BTBD9: variants seen among roughly 807,000 people sequenced by gnomAD.
BTBD9 encodes the protein BTB/POZ domain-containing protein 9.
In BTBD9, 49 loss-of-function variants were observed where a neutral mutation model predicts 64.3. The ratio of observed to expected loss-of-function variants is 0.76; its 90% CI spans 0.61 to 0.97. The LOEUF (loss-of-function observed/expected upper bound fraction) is 0.97, where lower values mean the gene tolerates loss of function less well. Among genes scored for constraint, BTBD9 ranks in the 50% least tolerant of loss-of-function variants. The pLI, the probability that BTBD9 is intolerant of heterozygous loss-of-function variation, is 0.00. For missense variants in BTBD9, 598 were observed against 762.1 expected (o/e 0.78, Z 2.53); for synonymous variants, 260 against 274.7 (o/e 0.95, Z 0.53).
chr6:38,173,641 T>C lies in BTBD9; in HGVS notation c.*1344A>G, dbSNP rs1701129720. On this transcript the variant is annotated 3_prime_UTR_variant, in exon 11 of 11. Transcript: ENST00000481247. The stretch of plus-strand genomic sequence containing the variant: ...GCAGCTGATATGTCTTTGACACACC[T>C]GAAAGGAAACTCCCACGCCCTCACC... 1 of 152,254 alleles carries C rather than the reference T, an allele frequency of 6.6e-6. No homozygotes were observed. 9.4% of individuals were successfully genotyped at this position (152,254 alleles called of 1,614,324 possible). A position where few individuals can be genotyped will look rare whatever the true frequency, so the allele number is the denominator to read the frequency against.
At chr6:38,217,693 TTTTTTC>T (rs1360627309) in intron 9 of BTBD9, among the ~76,000 whole-genome samples, 9 of 76,608 alleles carry the variant, frequency 1.2e-4, no homozygotes, top group African/African-American at 3.8e-4. Context: ...TATTTTTTTC[TTTTTTC>T]TTTTTTTTTT....
chr6:38,591,790 A>G (rs1776800977), intron 4 of BTBD9, among the ~76,000 whole-genome samples: 3 of 152,376 alleles, frequency 2.0e-5, no homozygotes, highest in African/African-American at 7.2e-5. Flanking sequence ...AAATCCATTA[A>G]TAAGAAAAAT....
chr6:38,629,432 G>A (rs1778285606), intron 1 of BTBD9, among the ~76,000 whole-genome samples: 1 of 152,174 alleles, frequency 6.6e-6, no homozygotes, highest in Non-Finnish European at 1.5e-5. Context: ...TTCAAATGAA[G>A]CACTGAGAAA....
intron 6 of BTBD9, among the ~76,000 whole-genome samples, chr6:38,513,612 T>C (rs1772874814): frequency 6.6e-6 from 1 of 152,070 alleles, no homozygotes; most frequent in Non-Finnish European, 1.5e-5. Context: ...TGATTCTGCT[T>C]TGGAGAAAAA....
chr6:38,412,366 G>A lies in BTBD9; in HGVS notation c.1155-67273C>T, dbSNP rs72851482. ...CGAACATATGCTCAACTTCCTTCTC[G>A]ATAACAGAAATGAAAAGCTCTCACC... On this transcript the variant is annotated intron_variant, in intron 6 of 10. Coordinates refer to ENST00000481247, the MANE Select transcript of BTBD9 (RefSeq NM_001099272.2). Among the ~76,000 whole-genome samples the A allele has an allele frequency of 6.6e-3, 1,002 of 152,044 alleles. 2 individuals carry two copies. The highest frequency in any genetic ancestry group is 0.027 in the Middle Eastern group (8 of 292).
At chr6:38,361,562 T>G (rs1206488342) in intron 6 of BTBD9, among the ~76,000 whole-genome samples, 3 of 151,540 alleles carry the variant, frequency 2.0e-5, no homozygotes, top group African/African-American at 7.3e-5. Flanking sequence ...AAACAACAGC[T>G]GGGCATAGTG....
At chr6:38,255,079 AT>A (rs1764531553) in intron 9 of BTBD9, among the ~76,000 whole-genome samples, 1 of 152,250 alleles carries the variant, frequency 6.6e-6, no homozygotes, top group Non-Finnish European at 1.5e-5. Flanking sequence ...CTATTCAGCC[AT>A]AAAAAATGAA....
At chr6:38,318,286 A>G (rs1272801392) in intron 7 of BTBD9, among the ~76,000 whole-genome samples, 1 of 152,056 alleles carries the variant, frequency 6.6e-6, no homozygotes, top group Non-Finnish European at 1.5e-5. Flanking sequence ...TCGTCTGGTG[A>G]GGTTGTTTTC....
rs74531246 is a variant in BTBD9, at chr6:38,284,425, T to C, written c.1454+3847A>G. Among the ~76,000 whole-genome samples the C allele has an allele frequency of 9.4e-3, 1,425 of 152,316 alleles. 15 individuals are homozygous for C. Among genetic ancestry groups the C allele is most frequent in the African/African-American group, 0.032 (1,344 of 41,566 alleles). The stretch of plus-strand genomic sequence containing the variant: ...AGTCAGATTCAACATCTCTGATTCT[T>C]TGGGTAGAGCTAGAGGCCAAGGTGG... On this transcript the variant is annotated intron_variant, in intron 8 of 10. Coordinates refer to ENST00000481247, the MANE Select transcript of BTBD9 (RefSeq NM_001099272.2).
At chr6:38,438,350 G>T (rs1003591347) in intron 6 of BTBD9, among the ~76,000 whole-genome samples, 1 of 152,106 alleles carries the variant, frequency 6.6e-6, no homozygotes, top group South Asian at 2.1e-4. Flanking sequence ...CATAAGCCTG[G>T]GCAGCAGAAA....
rs1284541382 is a variant in BTBD9 at position 38,465,739 on chromosome 6, ATATATATATATATATATGTATG to A, written c.1154+111839_1154+111860del. ...TATATATATATATATATATATATATATATATATATATATATATGTATGTATGTATGTATTTCAGTTATTTATT... is the reference window on the plus strand; with the variant it reads ...TATATATATATATATATATATATATATATGTATGTATTTCAGTTATTTATT... On this transcript the variant is annotated intron_variant, in intron 6 of 10. Transcript: ENST00000481247. Among the ~76,000 whole-genome samples the A allele has an allele frequency of 3.2e-3, 174 of 54,242 alleles. 2 individuals carry two copies. Among genetic ancestry groups the A allele is most frequent in the African/African-American group, 0.011 (168 of 14,730 alleles). The allele number at this position is 54,242 out of a possible 152,430, so 35.6% of individuals were successfully genotyped here.
chr6:38,265,081 G>C (rs756929523), intron 8 of BTBD9, among the ~76,000 whole-genome samples: 3 of 151,964 alleles, frequency 2.0e-5, no homozygotes, highest in Non-Finnish European at 4.4e-5. Context: ...TCTCTAAAAG[G>C]GGAAGAAACG....
At chr6:38,274,632 G>T (rs530219138) in intron 8 of BTBD9, among the ~76,000 whole-genome samples, 144 of 152,320 alleles carry the variant, frequency 9.5e-4, no homozygotes, top group Non-Finnish European at 1.6e-3. Context: ...CATCTATTGA[G>T]ATAATCATGT....
At chr6:38,528,032 T>C (rs1582581113) in intron 6 of BTBD9, among the ~76,000 whole-genome samples, 1 of 152,166 alleles carries the variant, frequency 6.6e-6, no homozygotes, top group East Asian at 1.9e-4. Flanking sequence ...AAGACAGTCT[T>C]GAATCACCTA....
chr6:38,544,343 T>C (rs749717756), intron 6 of BTBD9, among the ~76,000 whole-genome samples: 1 of 152,108 alleles, frequency 6.6e-6, no homozygotes, highest in Admixed American at 6.5e-5. Context: ...GACAACTATA[T>C]ATTATAAGCT....
At chr6:38,637,305 G>A (rs1406259855) in intron 1 of BTBD9, among the ~76,000 whole-genome samples, 1 of 152,188 alleles carries the variant, frequency 6.6e-6, no homozygotes, top group Non-Finnish European at 1.5e-5. Flanking sequence ...CCAGCACCCA[G>A]TAAGTATCTG....
At chr6:38,325,777 A>G (rs1763403280) in intron 7 of BTBD9, among the ~76,000 whole-genome samples, 1 of 152,228 alleles carries the variant, frequency 6.6e-6, no homozygotes, top group South Asian at 2.1e-4. Flanking sequence ...GCTCAGAAAG[A>G]TTGTCTTATT....
chr6:38,627,708 AT>A (rs766561407), intron 1 of BTBD9, among the ~76,000 whole-genome samples: 5 of 152,246 alleles, frequency 3.3e-5, no homozygotes, highest in Admixed American at 6.5e-5. Context: ...ATTTTGTACC[AT>A]TTTTATAAAT....
chr6:38,307,151 G>T (rs568867918), intron 7 of BTBD9, among the ~76,000 whole-genome samples: 1 of 152,264 alleles, frequency 6.6e-6, no homozygotes, highest in African/African-American at 2.4e-5. Context: ...ATTTGTTGCT[G>T]ATCAGGCAAG....
Sources: gnomAD v4.1 joint callset for allele counts (sites outside exome capture counted in the v4.1 genomes callset) on GRCh38, gnomAD v4.1.1 for gene constraint, MANE v1.5 for transcripts, NCBI Gene and HGNC (gene_info 2026-07-23, HGNC 2026-07-21) for gene names.